The following TMEM266 variants were observed in gnomAD, a reference collection of about 807,000 sequenced individuals.
The protein encoded by TMEM266 is transmembrane protein 266.
Under a neutral mutation model 50.5 loss-of-function variants are expected in TMEM266, and 33 were observed. The observed-to-expected ratio is 0.65, with a 90% CI of 0.50 to 0.87. TMEM266 has a LOEUF of 0.87. Among genes scored for constraint, TMEM266 ranks in the 40% least tolerant of loss-of-function variants. The pLI, the probability that TMEM266 is intolerant of heterozygous loss-of-function variation, is 0.00. For synonymous variants in TMEM266, 310 were observed against 292.3 expected, an observed-to-expected ratio of 1.06 and a Z score of -0.62; for missense variants, 655 against 695.1, an observed-to-expected ratio of 0.94 and a Z score of 0.65.
chr15:76,069,499 G>A (rs1304792165), intron 1 of TMEM266, among the ~76,000 whole-genome samples: 1 of 152,174 alleles, frequency 6.6e-6, no homozygotes, highest in Non-Finnish European at 1.5e-5. Context: ...GTACCAACCA[G>A]AGTCTCTGGT....
Position 76,199,257 on chromosome 15 carries a change from G to A in TMEM266, c.959-2945G>A, listed in dbSNP as rs539166491. ...GGACATGTTGAGTCAGAGGTAGCTGGAGGCCAGCCAGGAGTTGTCCGGGGA... is the reference window on the plus strand; with the variant it reads ...GGACATGTTGAGTCAGAGGTAGCTGAAGGCCAGCCAGGAGTTGTCCGGGGA... On this transcript the variant is annotated intron_variant, in intron 9 of 10. Coordinates refer to ENST00000388942, the MANE Select transcript of TMEM266 (RefSeq NM_152335.3). 2.0e-5 allele frequency among the ~76,000 whole-genome samples: 3 copies of A among 152,340 alleles called. No homozygotes were observed. The South Asian group carries it at 6.2e-4, about 32-fold the overall frequency.
intron 1 of TMEM266, among the ~76,000 whole-genome samples, chr15:76,132,724 G>C (rs1470870102): frequency 2.0e-5 from 3 of 151,558 alleles, no homozygotes; most frequent in African/African-American, 7.3e-5. Flanking sequence ...TAACCCAGGA[G>C]GTGGAGGTTG....
At chr15:76,138,363 G>A (rs958559952) in intron 3 of TMEM266, among the ~76,000 whole-genome samples, 20 of 151,756 alleles carry the variant, frequency 1.3e-4, no homozygotes, top group African/African-American at 4.6e-4. Context: ...TCCTACTCAC[G>A]CATTACTTCC....
chr15:76,118,538 A>G (rs2935964), intron 1 of TMEM266, among the ~76,000 whole-genome samples: 6,878 of 152,266 alleles, frequency 0.045, 492 homozygotes, highest in African/African-American at 0.15. Flanking sequence ...CAGCCTGGGC[A>G]TCAGAGCGAG....
intron 8 of TMEM266, among the ~76,000 whole-genome samples, chr15:76,184,154 AG>A (rs1243052267): frequency 6.6e-6 from 1 of 152,226 alleles, no homozygotes; most frequent in African/African-American, 2.4e-5. Context: ...CTCATTCCAG[AG>A]AGCTCCTTCT....
At position 76,109,947 on chromosome 15, in the gene TMEM266, G is replaced by A. The variant is rs149407978; in HGVS notation, c.-96-24221G>A. On this transcript the variant is annotated intron_variant, in intron 1 of 10. Coordinates refer to ENST00000388942, the MANE Select transcript of TMEM266 (RefSeq NM_152335.3). ...AGTGCTGGGATTATAGGTGAGAGCC[G>A]CCATGCCTGGCCAGGTTTTTCTGTT... 1.1e-3 allele frequency among the ~76,000 whole-genome samples: 174 copies of A among 151,310 alleles called. 3 individuals are homozygous for A. In the East Asian group the frequency reaches 0.025, roughly 22 times the overall value.
At chr15:76,151,323 A>G (rs2955760) in intron 3 of TMEM266, among the ~76,000 whole-genome samples, 95,714 of 152,058 alleles carry the variant, frequency 0.63, 30,341 homozygotes, top group Admixed American at 0.74. Context: ...ATTCTATTTC[A>G]CTGCTAAAAC....
chr15:76,188,702 C>T (rs1376013603), intron 8 of TMEM266, among the ~76,000 whole-genome samples: 1 of 152,196 alleles, frequency 6.6e-6, no homozygotes, highest in Admixed American at 6.5e-5. Context: ...GATTCAATCA[C>T]CTCCCACTGG....
Position 76,161,039 on chromosome 15 carries a change from G to A in TMEM266, c.456+871G>A, listed in dbSNP as rs1019130868. Among the ~76,000 whole-genome samples, 3 of 152,176 alleles carry A rather than the reference G, an allele frequency of 2.0e-5. No homozygotes were observed. Among genetic ancestry groups the A allele is most frequent in the Admixed American group, 6.5e-5 (1 of 15,284 alleles). ...GTTTTATCCTGTCCCGTGCGCACTGGAGGGTCACTGAAGGACAGGAGAGTT... is the reference window on the plus strand; with the variant it reads ...GTTTTATCCTGTCCCGTGCGCACTGAAGGGTCACTGAAGGACAGGAGAGTT... On this transcript the variant is annotated intron_variant, in intron 5 of 10. Transcript: ENST00000388942. This position sits in a 1 kb window ranked among gnomAD's most constrained non-coding sequence, Gnocchi z 4.1.
At chr15:76,149,197 G>T (rs2037800548) in intron 3 of TMEM266, among the ~76,000 whole-genome samples, 1 of 152,226 alleles carries the variant, frequency 6.6e-6, no homozygotes, top group Non-Finnish European at 1.5e-5. Flanking sequence ...GCATTGGGTT[G>T]ATGGTTCTCA....
intron 1 of TMEM266, among the ~76,000 whole-genome samples, chr15:76,116,488 C>T (rs528845269): frequency 6.6e-6 from 1 of 152,064 alleles, no homozygotes; most frequent in Non-Finnish European, 1.5e-5. Flanking sequence ...GTCCCTCCCC[C>T]TCTCCTCCTC....
intron 9 of TMEM266, among the ~76,000 whole-genome samples, chr15:76,193,103 C>T (rs1384795012): frequency 6.6e-6 from 1 of 152,244 alleles, no homozygotes; most frequent in Non-Finnish European, 1.5e-5. Flanking sequence ...CTTCAGTGTT[C>T]CCTTCTGTAA....
intron 1 of TMEM266, among the ~76,000 whole-genome samples, chr15:76,116,333 A>G (rs1302230480): frequency 3.3e-5 from 5 of 151,892 alleles, no homozygotes; most frequent in Non-Finnish European, 5.9e-5. Context: ...CAGATGCCAG[A>G]CTCCCATACT....
intron 7 of TMEM266, chr15:76,174,779 T>G (rs1359880676): frequency 1.3e-5 from 2 of 152,154 alleles, no homozygotes; most frequent in African/African-American, 4.8e-5. Flanking sequence ...TGTGACGTGG[T>G]TTTTCTCTGC....
At chr15:76,169,923 T>C (rs763123500) in intron 6 of TMEM266, 51 bp downstream of exon 6, 1 of 1,575,134 alleles carries the variant, frequency 6.3e-7, no homozygotes, top group South Asian at 1.1e-5. Flanking sequence ...TCCTGGAAGC[T>C]GGAAAACGTC....
chr15:76,088,721 C>T lies in TMEM266; in HGVS notation c.-97+28705C>T, dbSNP rs528474787. ...CTGAGGCAGGAGAATGGCATGAACC[C>T]GGGAGGCGGAGCTTGCAGTGAGCTG... is the stretch of plus-strand genomic sequence containing the variant. On this transcript the variant is annotated intron_variant, in intron 1 of 10. Coordinates refer to ENST00000388942, the MANE Select transcript of TMEM266 (RefSeq NM_152335.3). 5.7e-3 allele frequency among the ~76,000 whole-genome samples: 867 copies of T among 151,692 alleles called. 6 individuals carry two copies. The highest frequency in any genetic ancestry group is 9.3e-3 in the Non-Finnish European group (630 of 67,924).
Position 76,159,286 on chromosome 15 carries a change from C to A in TMEM266, c.383-809C>A, listed in dbSNP as rs868558853. Among the ~76,000 whole-genome samples the A allele has an allele frequency of 2.6e-5, 4 of 152,226 alleles. No individual in the cohort carries two copies. In the South Asian group the frequency reaches 6.2e-4, roughly 24 times the overall value. ...TGCTTTTGGCCTCGCTGGCTAAAAA[C>A]CATGCCATGCCAGGGTTCAAAGGCT... On this transcript the variant is annotated intron_variant, in intron 4 of 10. Transcript: ENST00000388942.
intron 3 of TMEM266, among the ~76,000 whole-genome samples, chr15:76,140,288 A>G (rs61744092): frequency 0.012 from 1,807 of 152,280 alleles, 13 homozygotes; most frequent in Non-Finnish European, 0.015. Flanking sequence ...GAGCCAGGGG[A>G]AACTGAAGCA....
At chr15:76,172,344 T>A (rs2038199216) in intron 7 of TMEM266, among the ~76,000 whole-genome samples, 1 of 152,210 alleles carries the variant, frequency 6.6e-6, no homozygotes, top group African/African-American at 2.4e-5. Flanking sequence ...TGCCAGGCCT[T>A]CTGGAGCACG....
Sources: gnomAD v4.1 joint callset for allele counts (sites outside exome capture counted in the v4.1 genomes callset) on GRCh38, gnomAD v4.1.1 for gene constraint, Gnocchi (gnomAD v3.1) non-coding constraint, MANE v1.5 for transcripts, NCBI Gene and HGNC (gene_info 2026-07-23, HGNC 2026-07-21) for gene names.